ASIC2: variants seen among roughly 807,000 people sequenced by gnomAD.
ASIC2 encodes the protein acid-sensing ion channel 2.
Under a neutral mutation model 57.3 loss-of-function variants are expected in ASIC2, and 25 were observed. The ratio of observed to expected loss-of-function variants is 0.44; its 90% CI spans 0.32 to 0.61. The LOEUF is 0.61. ASIC2 is among the 20% of genes least tolerant of loss of function. ASIC2 has a pLI of 0.06. For missense variants in ASIC2, 641 were observed against 738.1 expected (o/e 0.87, Z 1.52); for synonymous variants, 319 against 307.5 (o/e 1.04, Z -0.39).
intron 1 of ASIC2, among the ~76,000 whole-genome samples, chr17:33,753,714 T>G (rs1403379666): frequency 6.6e-6 from 1 of 152,176 alleles, no homozygotes; most frequent in Non-Finnish European, 1.5e-5. Flanking sequence ...TGAACACGGT[T>G]TGAACACTTG....
chr17:33,518,105 T>C (rs558201550), intron 1 of ASIC2, among the ~76,000 whole-genome samples: 2 of 152,314 alleles, frequency 1.3e-5, no homozygotes, highest in African/African-American at 4.8e-5. Context: ...AAGAGATGAG[T>C]GTCATCCTGG....
intron 1 of ASIC2, among the ~76,000 whole-genome samples, chr17:33,867,564 A>T (rs1030990269): frequency 1.3e-4 from 20 of 152,164 alleles, no homozygotes; most frequent in African/African-American, 4.8e-4. Flanking sequence ...GCAAAAGTTC[A>T]ATTAAGGAGG....
chr17:33,510,794 C>T (rs1420919974), intron 1 of ASIC2, among the ~76,000 whole-genome samples: 2 of 152,134 alleles, frequency 1.3e-5, no homozygotes, highest in Non-Finnish European at 2.9e-5. Context: ...TCATTCATGT[C>T]ACCAGCTTGT....
At position 33,281,987 on chromosome 17, in the gene ASIC2, G is replaced by C. The variant is rs115556345; in HGVS notation, c.708+9421C>G. The stretch of plus-strand genomic sequence containing the variant: ...AAATTCCCAATCTTGCATTATGTAA[G>C]TGTGGTTAAAATACTCCCAAGCTAT... On this transcript the variant is annotated intron_variant, in intron 1 of 9. Coordinates refer to ENST00000225823, the MANE Select transcript of ASIC2 (RefSeq NM_183377.2). 2.9e-3 allele frequency among the ~76,000 whole-genome samples: 436 copies of C among 152,312 alleles called. 3 individuals are homozygous for C. Among genetic ancestry groups the C allele is most frequent in the African/African-American group, 9.8e-3 (408 of 41,578 alleles).
intron 1 of ASIC2, among the ~76,000 whole-genome samples, chr17:33,469,522 C>T (rs1466699678): frequency 6.6e-6 from 1 of 152,156 alleles, no homozygotes; most frequent in Non-Finnish European, 1.5e-5. Flanking sequence ...GGCAGGAACT[C>T]CAGCAGACAC....
At chr17:34,063,121 C>T (rs1312287690) in intron 1 of ASIC2, among the ~76,000 whole-genome samples, 1 of 152,070 alleles carries the variant, frequency 6.6e-6, no homozygotes, top group Non-Finnish European at 1.5e-5. Context: ...AAATCCTTAA[C>T]AAAATACTAG....
At chr17:33,178,139 A>C (rs1597617523) in intron 1 of ASIC2, among the ~76,000 whole-genome samples, 1 of 152,156 alleles carries the variant, frequency 6.6e-6, no homozygotes, top group Admixed American at 6.5e-5. Flanking sequence ...TTGCTAAGAG[A>C]ATAGATTTTA....
chr17:33,116,715 C>T (rs766160154), intron 1 of ASIC2, among the ~76,000 whole-genome samples: 2 of 152,190 alleles, frequency 1.3e-5, no homozygotes, highest in Admixed American at 1.3e-4. Flanking sequence ...CAGTGTGTTA[C>T]TGTTTAGAGA....
chr17:33,747,621 CT>C (rs1910307869), intron 1 of ASIC2, among the ~76,000 whole-genome samples: 1 of 152,210 alleles, frequency 6.6e-6, no homozygotes, highest in African/African-American at 2.4e-5. Flanking sequence ...TTGCTTCCCA[CT>C]GCTGCTGTCA....
intron 1 of ASIC2, among the ~76,000 whole-genome samples, chr17:33,741,997 T>G (rs144471185): frequency 1.3e-3 from 196 of 152,328 alleles, no homozygotes; most frequent in Middle Eastern, 3.4e-3. Context: ...GTCAAAGGTC[T>G]AGGCCTGGCC....
chr17:33,156,172 G>T (rs758930956), intron 1 of ASIC2, among the ~76,000 whole-genome samples: 4 of 151,526 alleles, frequency 2.6e-5, no homozygotes, highest in Non-Finnish European at 5.9e-5. Flanking sequence ...CCGTTGCCCA[G>T]GCTGGAGTGC....
intron 1 of ASIC2, among the ~76,000 whole-genome samples, chr17:34,109,075 T>A (rs1041924659): frequency 2.6e-5 from 4 of 151,510 alleles, no homozygotes. Flanking sequence ...ATTATTATTA[T>A]ACTTTAAGTT....
intron 1 of ASIC2, among the ~76,000 whole-genome samples, chr17:33,488,798 T>G (rs987525410): frequency 2.0e-5 from 3 of 152,214 alleles, no homozygotes; most frequent in Non-Finnish European, 1.5e-5. Context: ...ACCTCCACAG[T>G]GAACTTCCCA....
chr17:33,161,358 G>A (rs543051791), intron 1 of ASIC2, among the ~76,000 whole-genome samples: 3 of 152,104 alleles, frequency 2.0e-5, no homozygotes, highest in East Asian at 1.9e-4. Flanking sequence ...GCCTTTGCAC[G>A]TGCTGCTCTT....
intron 1 of ASIC2, among the ~76,000 whole-genome samples, chr17:34,047,532 A>AAAAAAC (rs1908384899): frequency 6.6e-6 from 1 of 150,468 alleles, no homozygotes; most frequent in East Asian, 1.9e-4. Context: ...AAAAAAAAAA[A>AAAAAAC]AGACTGGAGT....
At chr17:33,343,623 T>A (rs1159170710) in intron 1 of ASIC2, among the ~76,000 whole-genome samples, 1 of 152,198 alleles carries the variant, frequency 6.6e-6, no homozygotes, top group African/African-American at 2.4e-5. Context: ...TGGGTTGACA[T>A]GGCTTTGGGT....
chr17:33,235,915 C>T (rs559380204), intron 1 of ASIC2, among the ~76,000 whole-genome samples: 27 of 152,162 alleles, frequency 1.8e-4, no homozygotes, highest in African/African-American at 5.5e-4. Flanking sequence ...CAGCTCACTG[C>T]GACCTCCTCC....
intron 1 of ASIC2, among the ~76,000 whole-genome samples, chr17:33,197,575 G>T (rs1597625483): frequency 6.6e-6 from 1 of 152,216 alleles, no homozygotes; most frequent in East Asian, 1.9e-4. Context: ...ATCCTCTCTA[G>T]GGTGGACCTT....
intron 1 of ASIC2, among the ~76,000 whole-genome samples, chr17:33,832,462 GC>G (rs1167721759): frequency 1.3e-5 from 2 of 152,168 alleles, no homozygotes; most frequent in African/African-American, 4.8e-5. Flanking sequence ...CAGGCAGGCA[GC>G]CTTCTAGACA....
Sources: allele counts gnomAD v4.1 joint callset (sites outside exome capture counted in the v4.1 genomes callset), GRCh38; gene constraint gnomAD v4.1.1; transcripts MANE v1.5; gene names NCBI Gene and HGNC (gene_info 2026-07-23, HGNC 2026-07-21).